The following TRAPPC10 variants were observed in gnomAD, a reference collection of about 807,000 sequenced individuals.
TRAPPC10 encodes TRAPP 130 kDa subunit.
A neutral mutation model predicts 125.5 loss-of-function variants in TRAPPC10; 23 were observed. The observed-to-expected ratio is 0.18, with a 90% CI of 0.13 to 0.26. The LOEUF is 0.26. TRAPPC10 is among the 10% of genes least tolerant of loss of function. The pLI is 1.00. For synonymous variants in TRAPPC10, 509 were observed against 518.0 expected, an observed-to-expected ratio of 0.98 and a Z score of 0.24; for missense variants, 1,123 against 1,308.4, an observed-to-expected ratio of 0.86 and a Z score of 2.19.
chr21:44,049,644 A>G (rs2035102516), intron 3 of TRAPPC10, among the ~76,000 whole-genome samples: 1 of 152,052 alleles, frequency 6.6e-6, no homozygotes, highest in Admixed American at 6.6e-5. Context: ...GGGGCCTCAC[A>G]TCTTGTTCTG....
rs995617183 is a variant in TRAPPC10, at chr21:44,055,762, C to G, written c.547C>G (p.Leu183Val). The change falls in exon 5 of 23, where the codon CTG becomes GTG. Residue 183 changes from leucine to valine, a missense_variant. This residue lies in a region of TRAPPC10 where 177 missense variants were observed against 228.9 expected (regional missense o/e 0.77). Coordinates refer to ENST00000291574, the MANE Select transcript of TRAPPC10 (RefSeq NM_003274.5). Reference sequence around the variant, plus strand: ...AACTCAGGAATCCTGGAATGCCTTCCTGACCAAACTCAGGACATTGCTTCT... The same window carrying G: ...AACTCAGGAATCCTGGAATGCCTTCGTGACCAAACTCAGGACATTGCTTCT... ...SRTQESWNAF[L>V]TKLRTLLLMS... The G allele has an allele frequency of 6.2e-7, 1 of 1,613,632 alleles. No homozygotes were observed. Among genetic ancestry groups the G allele is most frequent in the African/African-American group, 1.3e-5 (1 of 74,888 alleles).
chr21:44,059,804 TACTC>T lies in TRAPPC10; in HGVS notation c.790+593_790+596del, dbSNP rs1289665219. The stretch of plus-strand genomic sequence containing the variant: ...CTGTTTCTCTGTCGCTCCTTTTTGT[TACTC>T]ACAGCCCATCCTGGGCATCTCTCCA... On this transcript the variant is annotated intron_variant, in intron 6 of 22. Coordinates refer to ENST00000291574, the MANE Select transcript of TRAPPC10 (RefSeq NM_003274.5). The surrounding 1 kb of genome is among the most constrained non-coding windows in gnomAD (Gnocchi z 4.4). 1.4e-5 allele frequency: 5 copies of T among 363,628 alleles called. No individual in the cohort carries two copies. The highest frequency in any genetic ancestry group is 1.5e-4 in the South Asian group (2 of 12,948). 22.5% of individuals were successfully genotyped at this position (363,628 alleles called of 1,614,324 possible).
At chr21:44,026,161 G>T (rs1351606181) in intron 1 of TRAPPC10, among the ~76,000 whole-genome samples, 1 of 151,946 alleles carries the variant, frequency 6.6e-6, no homozygotes, top group African/African-American at 2.4e-5. Flanking sequence ...AGAGAATCTG[G>T]ATAACATCTG....
Position 44,016,418 on chromosome 21 carries a change from C to G in TRAPPC10, c.67+3858C>G, listed in dbSNP as rs566062364. ...GTCCTCATACCTACAATAGCACATACCTGTTATTAGCTTGGAATTGAATTT... is the reference window on the plus strand; with the variant it reads ...GTCCTCATACCTACAATAGCACATAGCTGTTATTAGCTTGGAATTGAATTT... On this transcript the variant is annotated intron_variant, in intron 1 of 22. Coordinates refer to ENST00000291574, the MANE Select transcript of TRAPPC10 (RefSeq NM_003274.5). Among the ~76,000 whole-genome samples the G allele has an allele frequency of 2.0e-5, 3 of 152,264 alleles. No individual in the cohort carries two copies. In the South Asian group the frequency reaches 6.2e-4, roughly 32 times the overall value.
chr21:44,013,411 C>T (rs544377873), intron 1 of TRAPPC10, among the ~76,000 whole-genome samples: 3 of 149,380 alleles, frequency 2.0e-5, no homozygotes, highest in Admixed American at 6.6e-5. Context: ...CAGACTGTTA[C>T]GATTTTTGAC....
At chr21:44,014,781 G>C (rs969666097) in intron 1 of TRAPPC10, among the ~76,000 whole-genome samples, 1 of 152,000 alleles carries the variant, frequency 6.6e-6, no homozygotes, top group East Asian at 1.9e-4. Flanking sequence ...TGTCCTAGAA[G>C]GTGCAAACTT....
At chr21:44,077,569 A>G (rs2037377542) in intron 10 of TRAPPC10, 124 bp from the exon 11 acceptor site, 1 of 677,890 alleles carries the variant, frequency 1.5e-6, no homozygotes, top group Non-Finnish European at 2.4e-6. Flanking sequence ...TGGGCGATGG[A>G]GCAAGACTCT....
Position 44,087,599 on chromosome 21 carries a change from T to G in TRAPPC10, c.2540-100T>G, listed in dbSNP as rs1292221415. ...GCCAGGTGCGCAGGAGCGGGAGAGGTTGAGCAGTGGCCTCACTGCTGGGCC... is the reference window on the plus strand; with the variant it reads ...GCCAGGTGCGCAGGAGCGGGAGAGGGTGAGCAGTGGCCTCACTGCTGGGCC... On this transcript the variant is annotated intron_variant, in intron 16 of 22. Transcript: ENST00000291574. This position sits in a 1 kb window ranked among gnomAD's most constrained non-coding sequence, Gnocchi z 4.6. 3 of 1,036,784 alleles carry G rather than the reference T, an allele frequency of 2.9e-6. No homozygotes were observed. Among genetic ancestry groups the G allele is most frequent in the Non-Finnish European group, 4.4e-6 (3 of 686,814 alleles). The allele number at this position is 1,036,784 out of a possible 1,614,324, so 64.2% of individuals were successfully genotyped here.
At chr21:44,024,047 A>G (rs888655295) in intron 1 of TRAPPC10, among the ~76,000 whole-genome samples, 1 of 152,236 alleles carries the variant, frequency 6.6e-6, no homozygotes, top group Non-Finnish European at 1.5e-5. Context: ...TGGCCTCCCA[A>G]AGCATTGGGA....
intron 6 of TRAPPC10, among the ~76,000 whole-genome samples, chr21:44,061,645 G>A (rs1027461054): frequency 6.6e-6 from 1 of 152,118 alleles, no homozygotes; most frequent in Non-Finnish European, 1.5e-5. Context: ...TAAAGAAATG[G>A]CAATAACTGG....
intron 1 of TRAPPC10, among the ~76,000 whole-genome samples, chr21:44,015,995 G>A (rs1359103075): frequency 6.6e-6 from 1 of 152,204 alleles, no homozygotes; most frequent in East Asian, 1.9e-4. Flanking sequence ...CACAGTAGGG[G>A]CCTTCTTAAA....
intron 1 of TRAPPC10, among the ~76,000 whole-genome samples, chr21:44,022,462 T>A (rs1215843791): frequency 2.8e-5 from 4 of 144,298 alleles, no homozygotes; most frequent in Non-Finnish European, 4.5e-5. Flanking sequence ...TTTTTTTTTT[T>A]TTTTTTTTTT....
chr21:44,058,673 C>T (rs191926957), intron 5 of TRAPPC10, among the ~76,000 whole-genome samples: 71 of 151,798 alleles, frequency 4.7e-4, no homozygotes, highest in African/African-American at 1.6e-3. Flanking sequence ...AGATGGGCTC[C>T]GTCATGGAGA....
chr21:44,067,354 T>G (rs1400201556), intron 7 of TRAPPC10, among the ~76,000 whole-genome samples: 2 of 152,106 alleles, frequency 1.3e-5, no homozygotes, highest in African/African-American at 4.8e-5. Flanking sequence ...GAATGTAGAT[T>G]GTGTTTGCTG....
chr21:44,029,552 G>A (rs190766645), intron 1 of TRAPPC10, among the ~76,000 whole-genome samples: 13 of 152,286 alleles, frequency 8.5e-5, no homozygotes, highest in Admixed American at 1.3e-4. Flanking sequence ...TTAATGCAGC[G>A]CCTCAGTGGG....
chr21:44,052,337 C>T lies in TRAPPC10; in HGVS notation c.343C>T (p.Leu115=). 2 of 1,611,052 alleles carry T rather than the reference C, an allele frequency of 1.2e-6. No individual in the cohort carries two copies. Among genetic ancestry groups the T allele is most frequent in the Non-Finnish European group, 1.7e-6 (2 of 1,179,252 alleles). ...KDDLTKWQNV[L]KAHSSVDWLI... ...TGACCTCACCAAGTGGCAGAATGTT[C>T]TGAAGGCTCATAGCTCTGTGGACTG... The change falls in exon 4 of 23, where the codon CTG becomes TTG. Residue 115 remains leucine, a synonymous_variant. Coordinates refer to ENST00000291574, the MANE Select transcript of TRAPPC10 (RefSeq NM_003274.5).
At chr21:44,045,431 AT>A (rs896891127) in intron 3 of TRAPPC10, among the ~76,000 whole-genome samples, 1 of 151,590 alleles carries the variant, frequency 6.6e-6, no homozygotes, top group Non-Finnish European at 1.5e-5. Context: ...TAGGTTGACA[AT>A]TTTTTTTTAA....
intron 7 of TRAPPC10, among the ~76,000 whole-genome samples, chr21:44,070,505 C>T (rs187571994): frequency 5.8e-4 from 88 of 152,280 alleles, no homozygotes; most frequent in African/African-American, 2.0e-3. Context: ...CAGGGCAGAG[C>T]GGAGGCTTGG....
intron 1 of TRAPPC10, among the ~76,000 whole-genome samples, chr21:44,021,710 G>T (rs2032518848): frequency 6.6e-6 from 1 of 152,180 alleles, no homozygotes; most frequent in African/African-American, 2.4e-5. Flanking sequence ...TAGGAGATGG[G>T]CCTTTGAGAA....
Sources: gnomAD v4.1 joint callset for allele counts (sites outside exome capture counted in the v4.1 genomes callset) on GRCh38, gnomAD v4.1.1 for gene constraint, gnomAD v4.1.1 regional missense constraint, Gnocchi (gnomAD v3.1) non-coding constraint, MANE v1.5 for transcripts, NCBI Gene and HGNC (gene_info 2026-07-23, HGNC 2026-07-21) for gene names.